COG5: variants seen among roughly 807,000 people sequenced by gnomAD.
COG5 encodes the protein conserved oligomeric Golgi complex subunit 5.
Under a neutral mutation model 110.4 loss-of-function variants are expected in COG5, and 86 were observed. The ratio of observed to expected loss-of-function variants is 0.78; its 90% CI spans 0.65 to 0.93. COG5 has a LOEUF of 0.93. Among genes scored for constraint, COG5 ranks in the 40% least tolerant of loss-of-function variants. The probability of loss-of-function intolerance (pLI) is 0.00; values close to 1 mark genes in which losing one functional copy is unlikely to be tolerated. For synonymous variants in COG5, 360 were observed against 334.6 expected, an observed-to-expected ratio of 1.08 and a Z score of -0.83; for missense variants, 1,077 against 987.0, an observed-to-expected ratio of 1.09 and a Z score of -1.22.
intron 11 of COG5, among the ~76,000 whole-genome samples, chr7:107,305,832 T>C (rs1339928190): frequency 2.6e-5 from 4 of 151,790 alleles, no homozygotes; most frequent in Non-Finnish European, 4.4e-5. Flanking sequence ...AAGAAGGCAA[T>C]AGAGAGACCG....
chr7:107,285,576 G>A (rs1024209827), intron 12 of COG5, among the ~76,000 whole-genome samples: 1 of 152,110 alleles, frequency 6.6e-6, no homozygotes, highest in Admixed American at 6.6e-5. Context: ...AGATCTTCAA[G>A]CTTAAAGGAA....
chr7:107,426,552 A>ATATG (rs1418518339), intron 6 of COG5, among the ~76,000 whole-genome samples: 1 of 152,166 alleles, frequency 6.6e-6, no homozygotes, highest in Non-Finnish European at 1.5e-5. Flanking sequence ...TTGTATCCTC[A>ATATG]TATGGCAGAA....
intron 8 of COG5, among the ~76,000 whole-genome samples, chr7:107,363,803 G>A (rs1378260009): frequency 6.6e-6 from 1 of 151,810 alleles, no homozygotes; most frequent in Admixed American, 6.6e-5. Flanking sequence ...TAAAAATACA[G>A]AATTAGCCAG....
chr7:107,398,309 A>G (rs1791160047), intron 7 of COG5, among the ~76,000 whole-genome samples: 1 of 152,224 alleles, frequency 6.6e-6, no homozygotes, highest in Non-Finnish European at 1.5e-5. Context: ...TACAATCAGG[A>G]GTTCCCAACG....
chr7:107,285,695 C>T (rs1329627993), intron 12 of COG5, among the ~76,000 whole-genome samples: 1 of 151,670 alleles, frequency 6.6e-6, no homozygotes, highest in African/African-American at 2.4e-5. Context: ...AGAGAACTTG[C>T]TTTAAAAAAA....
chr7:107,304,832 A>C (rs1807572571), intron 11 of COG5, among the ~76,000 whole-genome samples: 1 of 152,226 alleles, frequency 6.6e-6, no homozygotes, highest in Non-Finnish European at 1.5e-5. Flanking sequence ...AGTGCCAAAT[A>C]TACCTGGAAG....
chr7:107,413,583 C>A (rs977208075), intron 6 of COG5, among the ~76,000 whole-genome samples: 1 of 151,206 alleles, frequency 6.6e-6, no homozygotes, highest in Admixed American at 6.6e-5. Flanking sequence ...CAAACCCCAG[C>A]GACTGCCCTT....
In COG5 at chr7:107,236,453, T is replaced by A. The variant is rs372319280; in HGVS notation, c.2088A>T (p.Ala696=). 1.9e-5 allele frequency: 31 copies of A among 1,611,112 alleles called. No individual in the cohort carries two copies. The highest frequency in any genetic ancestry group is 2.5e-5 in the Non-Finnish European group (30 of 1,177,386). ...GGKMRLAADF[A]QMELAVGPFC... is the part of the protein sequence containing the mutation. ...TTGTAGTAATTCATCAATGTACCTG[T>A]GCAAAATCAGCAGCAAGTCGCATTT... The change falls in exon 18 of 22, where the codon GCA becomes GCT. Residue 696 remains alanine, a synonymous_variant. Coordinates refer to ENST00000297135, the MANE Select transcript of COG5 (RefSeq NM_006348.5).
intron 10 of COG5, among the ~76,000 whole-genome samples, chr7:107,349,070 C>T (rs1235118672): frequency 6.6e-6 from 1 of 152,052 alleles, no homozygotes; most frequent in Non-Finnish European, 1.5e-5. Flanking sequence ...ATGGATTGTA[C>T]ATTGTTAATA....
rs56971368 is a variant in COG5 at position 107,270,882 on chromosome 7, C to CTTTTTTTTTTTTT, written c.1575+10405_1575+10417dup. On this transcript the variant is annotated intron_variant, in intron 14 of 21. Coordinates refer to ENST00000297135, the MANE Select transcript of COG5 (RefSeq NM_006348.5). ...TTATACTTCATTATCCTAACTAGAA[C>CTTTTTTTTTTTTT]TTTTTTTTTTTTTTTTTTTTTTTTT... is the stretch of plus-strand genomic sequence containing the variant. Among the ~76,000 whole-genome samples, 33 of 68,750 alleles carry CTTTTTTTTTTTTT rather than the reference C, an allele frequency of 4.8e-4. 4 individuals are homozygous for CTTTTTTTTTTTTT. Among genetic ancestry groups the CTTTTTTTTTTTTT allele is most frequent in the African/African-American group, 1.3e-3 (19 of 14,948 alleles). 45.1% of individuals were successfully genotyped at this position (68,750 alleles called of 152,430 possible). A position where few individuals can be genotyped will look rare whatever the true frequency, so the allele number is the denominator to read the frequency against.
chr7:107,389,190 G>A (rs1254999045), intron 7 of COG5, among the ~76,000 whole-genome samples: 1 of 152,076 alleles, frequency 6.6e-6, no homozygotes, highest in Admixed American at 6.6e-5. Flanking sequence ...TGACTGCTTG[G>A]CTAGGAGGGA....
At chr7:107,517,005 G>A (rs150666212) in intron 6 of COG5, among the ~76,000 whole-genome samples, 361 of 152,296 alleles carry the variant, frequency 2.4e-3, no homozygotes, top group Non-Finnish European at 4.1e-3. Flanking sequence ...CGGAGGATGA[G>A]ATGAACTAAT....
At chr7:107,517,965 G>C (rs919307912) in intron 6 of COG5, among the ~76,000 whole-genome samples, 30 of 152,164 alleles carry the variant, frequency 2.0e-4, no homozygotes, top group African/African-American at 7.0e-4. Flanking sequence ...CAAAGTGCTG[G>C]GATTACAGGC....
intron 6 of COG5, among the ~76,000 whole-genome samples, chr7:107,516,737 C>A (rs1486317570): frequency 6.6e-6 from 1 of 152,114 alleles, no homozygotes; most frequent in Non-Finnish European, 1.5e-5. Context: ...GCAGTGGACC[C>A]CCAGCAAACT....
chr7:107,253,542 T>TG, intron 16 of COG5, among the ~76,000 whole-genome samples: 1 of 152,200 alleles, frequency 6.6e-6, no homozygotes, highest in East Asian at 1.9e-4. Context: ...GGATCAGAAT[T>TG]ACTGGACCAA....
In COG5 at chr7:107,475,334, G is replaced by A. The variant is rs776943436; in HGVS notation, c.538+51903C>T. The A allele has an allele frequency of 2.6e-6, 4 of 1,554,410 alleles. No homozygotes were observed. The East Asian group carries it at 9.0e-5, about 35-fold the overall frequency. ...GAAGATAGTGAAATAAGAGAAAAAT[G>A]TTTAGTGCCTCAGGTTGTCACAGAC... On this transcript the variant is annotated intron_variant, in intron 6 of 21. Transcript: ENST00000297135.
chr7:107,490,749 G>A (rs966558035), intron 6 of COG5, among the ~76,000 whole-genome samples: 2 of 152,182 alleles, frequency 1.3e-5, no homozygotes, highest in African/African-American at 2.4e-5. Flanking sequence ...AAACAGGGAT[G>A]GAAATGGGAT....
chr7:107,299,285 G>T (rs1182220773), intron 11 of COG5, among the ~76,000 whole-genome samples: 1 of 151,936 alleles, frequency 6.6e-6, no homozygotes, highest in African/African-American at 2.4e-5. Context: ...CTAGCCAGAT[G>T]GATTAGGAAA....
intron 6 of COG5, among the ~76,000 whole-genome samples, chr7:107,419,089 A>T (rs1289613069): frequency 6.6e-6 from 1 of 152,208 alleles, no homozygotes; most frequent in African/African-American, 2.4e-5. Flanking sequence ...CTTTGAAGAA[A>T]AATATTTTAA....
Sources: gnomAD v4.1 joint callset for allele counts (sites outside exome capture counted in the v4.1 genomes callset) on GRCh38, gnomAD v4.1.1 for gene constraint, MANE v1.5 for transcripts, NCBI Gene and HGNC (gene_info 2026-07-23, HGNC 2026-07-21) for gene names.